The following APBB2 variants were observed in gnomAD, a reference collection of about 807,000 sequenced individuals.
APBB2 encodes the protein amyloid beta precursor protein binding family B member 2.
A neutral mutation model predicts 82.5 loss-of-function variants in APBB2; 38 were observed. The observed-to-expected ratio is 0.46, with a 90% CI of 0.36 to 0.60. APBB2 has a LOEUF of 0.60. APBB2 is among the 20% of genes least tolerant of loss of function. APBB2 has a pLI of 0.00. For missense variants in APBB2, 772 were observed against 972.3 expected (o/e 0.79, Z 2.74); for synonymous variants, 341 against 368.2 (o/e 0.93, Z 0.85).
At chr4:41,010,864 T>C (rs1309269984) in intron 6 of APBB2, among the ~76,000 whole-genome samples, 5 of 152,176 alleles carry the variant, frequency 3.3e-5, no homozygotes, top group Non-Finnish European at 7.4e-5. Flanking sequence ...ATTTTAAACA[T>C]ACAAAATTAG....
chr4:40,920,285 C>T lies in APBB2; in HGVS notation c.1254+14171G>A, dbSNP rs149793841. Reference sequence around the variant, plus strand: ...GCTGCCATGTAAGATGTGCCTTTCGCCTTCTGCCATCATTGTGAGGTCTCC... The same window carrying T: ...GCTGCCATGTAAGATGTGCCTTTCGTCTTCTGCCATCATTGTGAGGTCTCC... On this transcript the variant is annotated intron_variant, in intron 10 of 17. Transcript: ENST00000508593. 1.7e-4 allele frequency among the ~76,000 whole-genome samples: 26 copies of T among 152,286 alleles called. No homozygotes were observed. In the East Asian group the frequency reaches 2.5e-3, roughly 15 times the overall value.
At position 40,811,548 on chromosome 4, in the gene APBB2, A is replaced by G. The variant is rs1393112965; in HGVS notation, c.*4544T>C. Reference sequence around the variant, plus strand: ...GAGTAAGACTCCTCTGTCTGAAGAAAAAAAAAAAAAGCAATATGAGGGAAT... The same window carrying G: ...GAGTAAGACTCCTCTGTCTGAAGAAGAAAAAAAAAAGCAATATGAGGGAAT... On this transcript the variant is annotated 3_prime_UTR_variant, in exon 18 of 18. Transcript: ENST00000508593. 2 of 120,498 alleles carry G rather than the reference A, an allele frequency of 1.7e-5. No individual in the cohort carries two copies. The highest frequency in any genetic ancestry group is 3.8e-5 in the Non-Finnish European group (2 of 53,220). 7.5% of individuals were successfully genotyped at this position (120,498 alleles called of 1,614,324 possible). A position where few individuals can be genotyped will look rare whatever the true frequency, so the allele number is the denominator to read the frequency against.
chr4:40,836,344 G>C (rs1448983522), intron 12 of APBB2, among the ~76,000 whole-genome samples: 1 of 152,228 alleles, frequency 6.6e-6, no homozygotes, highest in Non-Finnish European at 1.5e-5. Flanking sequence ...GGGTGCGGTA[G>C]TGTGCACCTG....
At chr4:41,095,986 G>A (rs1364550438) in intron 3 of APBB2, among the ~76,000 whole-genome samples, 4 of 152,078 alleles carry the variant, frequency 2.6e-5, no homozygotes, top group Non-Finnish European at 4.4e-5. Flanking sequence ...CCCCAGCCAC[G>A]GTGGAGTTCT....
At chr4:41,200,632 C>G (rs1776469589) in intron 1 of APBB2, among the ~76,000 whole-genome samples, 1 of 151,972 alleles carries the variant, frequency 6.6e-6, no homozygotes, top group African/African-American at 2.4e-5. Context: ...TTTTTTTTTC[C>G]TAAAGAAAAC....
At chr4:41,008,967 T>C (rs568241383) in intron 6 of APBB2, among the ~76,000 whole-genome samples, 1 of 152,322 alleles carries the variant, frequency 6.6e-6, no homozygotes, top group South Asian at 2.1e-4. Context: ...TTTGAAACAG[T>C]TACTACACAA....
intron 12 of APBB2, among the ~76,000 whole-genome samples, chr4:40,851,738 ATTTT>A (rs869027470): frequency 0.022 from 1,471 of 67,628 alleles, 18 homozygotes; most frequent in African/African-American, 0.042. Flanking sequence ...ATATATATAT[ATTTT>A]TTTTTTTTTT....
At chr4:40,891,689 C>T (rs1488489191) in intron 11 of APBB2, among the ~76,000 whole-genome samples, 5 of 152,294 alleles carry the variant, frequency 3.3e-5, no homozygotes, top group African/African-American at 1.2e-4. Flanking sequence ...CCCCAAAGAG[C>T]AGCTAAGCCA....
chr4:41,161,170 CAA>C (rs33917178), intron 1 of APBB2, among the ~76,000 whole-genome samples: 5,125 of 86,134 alleles, frequency 0.06, 100 homozygotes, highest in African/African-American at 0.13. Context: ...TCTTCCCTGG[CAA>C]AAAAAAAAAA....
intron 8 of APBB2, 44 bp from the exon 9 acceptor site, chr4:40,934,743 A>G (rs57375874): frequency 7.3e-7 from 1 of 1,360,636 alleles, no homozygotes; most frequent in East Asian, 2.3e-5. Context: ...GGGGGAGAAG[A>G]CCATTCATTG....
At chr4:41,095,747 C>T (rs559819869) in intron 3 of APBB2, among the ~76,000 whole-genome samples, 80 of 152,318 alleles carry the variant, frequency 5.3e-4, no homozygotes, top group Non-Finnish European at 9.0e-4. Context: ...CACAACCTCA[C>T]ATGGTGGCCC....
At chr4:41,034,386 G>A (rs146143758) in intron 4 of APBB2, among the ~76,000 whole-genome samples, 1 of 152,226 alleles carries the variant, frequency 6.6e-6, no homozygotes, top group East Asian at 1.9e-4. Flanking sequence ...GGGCAATAGC[G>A]CAATCTCGGT....
chr4:40,828,073 G>A (rs961402724), intron 13 of APBB2, among the ~76,000 whole-genome samples: 1 of 152,066 alleles, frequency 6.6e-6, no homozygotes, highest in African/African-American at 2.4e-5. Flanking sequence ...CACCATGATT[G>A]TGAGGCCTCA....
intron 3 of APBB2, among the ~76,000 whole-genome samples, chr4:41,082,574 T>C (rs1043147160): frequency 9.2e-4 from 137 of 149,600 alleles, no homozygotes; most frequent in Admixed American, 1.1e-3. Context: ...TTTCTTTTTT[T>C]TTTTTTTTTT....
rs1247150269 is a variant in APBB2 at position 40,830,518 on chromosome 4, C to T, written c.1589G>A (p.Arg530Gln). The T allele has an allele frequency of 5.0e-6, 8 of 1,614,106 alleles. No homozygotes were observed. The Admixed American group carries it at 6.7e-5, about 13-fold the overall frequency. Residue 530 changes from arginine (R) to glutamine (Q), a missense_variant, in exon 13 of 18, where the codon CGA becomes CAA. By Grantham distance (43) the Arg-to-Gln change is conservative. Transcript: ENST00000508593. ...AATGGCTTTTGCTGGTGTGTCACAT[C>T]GAAATACATGACATTTCAAAATTCT... Reference protein sequence around the residue: ...DTRILKCHVFRCDTPAKAIAT... With the variant: ...DTRILKCHVFQCDTPAKAIAT...
chr4:40,898,828 A>G (rs1349561387), intron 10 of APBB2, among the ~76,000 whole-genome samples: 1 of 143,416 alleles, frequency 7.0e-6, no homozygotes, highest in African/African-American at 2.6e-5. Context: ...CAAAAAAAAA[A>G]GAAAGAAAAA....
intron 2 of APBB2, among the ~76,000 whole-genome samples, chr4:41,116,084 A>G (rs1750887416): frequency 6.6e-6 from 1 of 152,242 alleles, no homozygotes; most frequent in South Asian, 2.1e-4. Context: ...TCAATGATAG[A>G]CTGGATAAAG....
chr4:41,111,430 T>C (rs373457147), intron 2 of APBB2, among the ~76,000 whole-genome samples: 1 of 152,392 alleles, frequency 6.6e-6, no homozygotes, highest in East Asian at 1.9e-4. Context: ...GCAATGCTGC[T>C]GATCCACAGA....
intron 6 of APBB2, among the ~76,000 whole-genome samples, chr4:40,971,420 A>G (rs1419157353): frequency 1.3e-5 from 2 of 152,226 alleles, no homozygotes; most frequent in African/African-American, 4.8e-5. Flanking sequence ...CATTCGAATA[A>G]AGGACACAAT....
Sources: allele counts gnomAD v4.1 joint callset (sites outside exome capture counted in the v4.1 genomes callset), GRCh38; gene constraint gnomAD v4.1.1; transcripts MANE v1.5; gene names NCBI Gene and HGNC (gene_info 2026-07-23, HGNC 2026-07-21).